TTC12: variants seen among roughly 807,000 people sequenced by gnomAD.
TTC12 encodes tetratricopeptide repeat protein 12.
TTC12 carries 70 observed loss-of-function variants against 90.1 expected under a neutral mutation model. The observed-to-expected ratio is 0.78, with a 90% confidence interval of 0.64 to 0.95. The LOEUF (loss-of-function observed/expected upper bound fraction) is 0.95, where lower values mean the gene tolerates loss of function less well. Ranked by LOEUF, TTC12 falls within the 40% of genes least tolerant of loss-of-function variation. The pLI is 0.00. For synonymous variants in TTC12, 296 were observed against 311.5 expected (o/e 0.95, Z 0.53); for missense variants, 819 against 846.1 (o/e 0.97, Z 0.40).
chr11:113,353,807 G>T (rs782478018), intron 16 of TTC12, among the ~76,000 whole-genome samples: 4 of 152,100 alleles, frequency 2.6e-5, no homozygotes, highest in African/African-American at 7.2e-5. Flanking sequence ...TCTTTATTCT[G>T]TTCCATTGGT....
At chr11:113,341,994 C>A in intron 12 of TTC12, 69 bp downstream of exon 12, 1 of 1,346,108 alleles carries the variant, frequency 7.4e-7, no homozygotes, top group Non-Finnish European at 1.1e-6. Flanking sequence ...GTTGGGTGGA[C>A]TGTCCTCCCC....
chr11:113,345,896 C>T (rs1200575259), intron 13 of TTC12, among the ~76,000 whole-genome samples: 1 of 152,080 alleles, frequency 6.6e-6, no homozygotes, highest in East Asian at 1.9e-4. Flanking sequence ...CGGAGAGTGG[C>T]GTTCATGATC....
chr11:113,341,369 T>A (rs1458401595), intron 11 of TTC12, among the ~76,000 whole-genome samples: 1 of 152,214 alleles, frequency 6.6e-6, no homozygotes, highest in African/African-American at 2.4e-5. Flanking sequence ...TTTCTTCTTT[T>A]GGAATTTGCT....
At chr11:113,323,931 C>T (rs1555139800) in intron 3 of TTC12, 63 bp from the exon 4 acceptor site, 1 of 1,294,900 alleles carries the variant, frequency 7.7e-7, no homozygotes, top group Non-Finnish European at 1.1e-6. Flanking sequence ...GGTTTATATA[C>T]ATATAAATTA....
At chr11:113,348,488 A>T (rs1555148895) in intron 13 of TTC12, among the ~76,000 whole-genome samples, 2 of 152,104 alleles carry the variant, frequency 1.3e-5, no homozygotes, top group South Asian at 2.1e-4. Flanking sequence ...AGCCTTTATT[A>T]TCTGGACAAT....
chr11:113,349,882 G>A (rs1487600071), intron 13 of TTC12, among the ~76,000 whole-genome samples, 191 bp from the exon 14 acceptor site: 1 of 152,164 alleles, frequency 6.6e-6, no homozygotes, highest in East Asian at 1.9e-4. Context: ...AAGTGGTGGA[G>A]CCAACCACTT....
chr11:113,331,026 T>G (rs1948032116), intron 7 of TTC12, among the ~76,000 whole-genome samples: 1 of 152,148 alleles, frequency 6.6e-6, no homozygotes, highest in South Asian at 2.1e-4. Context: ...CTTTATTTCT[T>G]ATTGAGAGGG....
chr11:113,321,683 T>C (rs1330185551), intron 2 of TTC12, among the ~76,000 whole-genome samples: 1 of 152,222 alleles, frequency 6.6e-6, no homozygotes, highest in Non-Finnish European at 1.5e-5. Context: ...GGGTTGGCCA[T>C]GTGTGTTGCT....
downstream of TTC12, chr11:113,368,645 C>A: frequency 1.3e-6 from 1 of 744,230 alleles, no homozygotes; most frequent in Non-Finnish European, 2.3e-6. Context: ...CAGTGCGCCG[C>A]AAGGTGGGAC....
At chr11:113,344,098 C>T (rs545004708) in intron 12 of TTC12, among the ~76,000 whole-genome samples, 174 bp from the exon 13 acceptor site, 3 of 152,266 alleles carry the variant, frequency 2.0e-5, no homozygotes, top group Admixed American at 6.5e-5. Flanking sequence ...TAAGGTCGCT[C>T]CCCTGGGCAT....
chr11:113,330,029 A>G, intron 7 of TTC12, 50 bp downstream of exon 7: 1 of 1,433,744 alleles, frequency 7.0e-7, no homozygotes, highest in Non-Finnish European at 9.8e-7. Context: ...TGAAGTAGAT[A>G]GAAGGCAGCT....
downstream of TTC12, among the ~76,000 whole-genome samples, chr11:113,366,584 C>G (rs1280033819): frequency 6.6e-6 from 1 of 152,226 alleles, no homozygotes; most frequent in African/African-American, 2.4e-5. Flanking sequence ...ATTGCCCAGA[C>G]TCCCTTGTAG....
In TTC12 at chr11:113,362,384, C is replaced by G; in HGVS notation, c.1615-17C>G. The G allele has an allele frequency of 6.3e-7, 1 of 1,591,292 alleles. No homozygotes were observed. The highest frequency in any genetic ancestry group is 8.6e-7 in the Non-Finnish European group (1 of 1,160,234). ...TCTGAAAAGGACATTTAATTATCCTCTTTCTGCTGTACTCAGAGAGCTGCT... is the reference window on the plus strand; with the variant it reads ...TCTGAAAAGGACATTTAATTATCCTGTTTCTGCTGTACTCAGAGAGCTGCT... On this transcript the variant is annotated splice_polypyrimidine_tract_variant and intron_variant, in intron 18 of 21. Transcript: ENST00000529221.
At chr11:113,347,628 G>A (rs937569430) in intron 13 of TTC12, among the ~76,000 whole-genome samples, 1 of 152,136 alleles carries the variant, frequency 6.6e-6, no homozygotes, top group African/African-American at 2.4e-5. Flanking sequence ...CTGAGGCCCA[G>A]GCCCAGACTC....
At chr11:113,325,879 C>T (rs77635337) in intron 6 of TTC12, among the ~76,000 whole-genome samples, 2 of 152,156 alleles carry the variant, frequency 1.3e-5, no homozygotes, top group South Asian at 2.1e-4. Context: ...AAGAGCTGTC[C>T]ATTATCAGCT....
intron 1 of TTC12, 27 bp downstream of exon 1, chr11:113,314,645 C>T (rs1010636159): frequency 6.5e-6 from 1 of 152,894 alleles, no homozygotes; most frequent in Admixed American, 6.5e-5. Flanking sequence ...ACCCCGGAAT[C>T]CCCCCTGGGA....
intron 12 of TTC12, among the ~76,000 whole-genome samples, chr11:113,342,774 G>A (rs574052842): frequency 6.6e-6 from 1 of 152,202 alleles, no homozygotes; most frequent in African/African-American, 2.4e-5. Flanking sequence ...AAGAATTAAG[G>A]GGAGTTATGC....
intron 2 of TTC12, among the ~76,000 whole-genome samples, chr11:113,320,246 A>G (rs113247441): frequency 2.6e-3 from 395 of 152,278 alleles, no homozygotes; most frequent in African/African-American, 8.6e-3. Context: ...AAGTGGAAAC[A>G]GGCATTTCTG....
chr11:113,363,322 A>C (rs1272406851), intron 19 of TTC12, among the ~76,000 whole-genome samples: 3 of 152,248 alleles, frequency 2.0e-5, no homozygotes, highest in Admixed American at 6.5e-5. Flanking sequence ...TCACACGTGC[A>C]TACGTGCACA....
Sources: allele counts gnomAD v4.1 joint callset (sites outside exome capture counted in the v4.1 genomes callset), GRCh38; gene constraint gnomAD v4.1.1; transcripts MANE v1.5; gene names NCBI Gene and HGNC (gene_info 2026-07-23, HGNC 2026-07-21).